ELAPOR1: variants seen among roughly 807,000 people sequenced by gnomAD.
ELAPOR1 encodes endosome/lysosome-associated apoptosis and autophagy regulator 1.
In ELAPOR1, 77 loss-of-function variants were observed where a neutral mutation model predicts 119.7. The observed-to-expected ratio is 0.64, with a 90% CI of 0.54 to 0.78. ELAPOR1 has a LOEUF of 0.78. Among genes scored for constraint, ELAPOR1 ranks in the 30% least tolerant of loss-of-function variants. The probability of loss-of-function intolerance (pLI) is 0.00; values close to 1 mark genes in which losing one functional copy is unlikely to be tolerated. For synonymous variants in ELAPOR1, 481 were observed against 487.2 expected (o/e 0.99, Z 0.17); for missense variants, 1,115 against 1,270.4 (o/e 0.88, Z 1.86).
intron 1 of ELAPOR1, among the ~76,000 whole-genome samples, chr1:109,158,132 C>T (rs773753685): frequency 6.7e-4 from 102 of 152,144 alleles, no homozygotes; most frequent in Non-Finnish European, 1.0e-4. Flanking sequence ...AAGTAATTCG[C>T]CCACCTTGAC....
At chr1:109,197,165 C>T (rs911925269) in intron 15 of ELAPOR1, among the ~76,000 whole-genome samples, 14 of 150,202 alleles carry the variant, frequency 9.3e-5, no homozygotes, top group Non-Finnish European at 1.5e-4. Flanking sequence ...AATTAACCTG[C>T]GGTTCCAGCT....
chr1:109,195,638 T>C (rs1240136728), intron 15 of ELAPOR1, among the ~76,000 whole-genome samples: 1 of 152,230 alleles, frequency 6.6e-6, no homozygotes, highest in Non-Finnish European at 1.5e-5. Context: ...AGAGGCTGGA[T>C]AAAATCAACT....
Position 109,203,016 on chromosome 1 carries a change from G to T in ELAPOR1, c.*4G>T, listed in dbSNP as rs1654276540. Reference sequence around the variant, plus strand: ...AGGCCTAGACATGGACCTGTGAGAGGCACTGCCTGCCTCACCTGCCTCCTC... The same window carrying T: ...AGGCCTAGACATGGACCTGTGAGAGTCACTGCCTGCCTCACCTGCCTCCTC... On this transcript the variant is annotated 3_prime_UTR_variant, in exon 22 of 22. Coordinates refer to ENST00000369939, the MANE Select transcript of ELAPOR1 (RefSeq NM_020775.5). The T allele has an allele frequency of 6.2e-7, 1 of 1,604,134 alleles. No homozygotes were observed. Among genetic ancestry groups the T allele is most frequent in the Non-Finnish European group, 8.5e-7 (1 of 1,171,990 alleles).
chr1:109,160,631 CT>C lies in ELAPOR1; in HGVS notation c.154-1261del, dbSNP rs564058634. On this transcript the variant is annotated intron_variant, in intron 1 of 21. Coordinates refer to ENST00000369939, the MANE Select transcript of ELAPOR1 (RefSeq NM_020775.5). The stretch of plus-strand genomic sequence containing the variant: ...AAACTTGTATTTTTTGTCTTAGCTC[CT>C]TGACGTTATACATGTTATGCAATCA... Among the ~76,000 whole-genome samples, 47 of 152,288 alleles carry C rather than the reference CT, an allele frequency of 3.1e-4. No individual in the cohort carries two copies. The South Asian group carries it at 3.9e-3, about 13-fold the overall frequency.
chr1:109,123,870 T>G (rs1185422773), intron 1 of ELAPOR1, among the ~76,000 whole-genome samples: 1 of 151,942 alleles, frequency 6.6e-6, no homozygotes, highest in African/African-American at 2.4e-5. Context: ...TGGCACGATC[T>G]TGGCCCACTG....
chr1:109,193,933 A>G lies in ELAPOR1; in HGVS notation c.1948-488A>G, dbSNP rs1570722850. On this transcript the variant is annotated intron_variant, in intron 14 of 21. Coordinates refer to ENST00000369939, the MANE Select transcript of ELAPOR1 (RefSeq NM_020775.5). ...GAGCAATGAATGGGTTTATGGGAAG[A>G]AAAGCCCCTTTCGGAGTTCAGTTTC... is the stretch of plus-strand genomic sequence containing the variant. 3.9e-5 allele frequency among the ~76,000 whole-genome samples: 6 copies of G among 152,344 alleles called. No homozygotes were observed. The East Asian group carries it at 1.2e-3, about 29-fold the overall frequency.
At chr1:109,183,919 T>G (rs929525963) in intron 7 of ELAPOR1, among the ~76,000 whole-genome samples, 1 of 151,892 alleles carries the variant, frequency 6.6e-6, no homozygotes, top group African/African-American at 2.4e-5. Flanking sequence ...TTTCATTAGG[T>G]ATAAATCAAG....
intron 1 of ELAPOR1, among the ~76,000 whole-genome samples, chr1:109,156,487 C>A (rs184900259): frequency 8.8e-4 from 132 of 150,788 alleles, no homozygotes; most frequent in African/African-American, 3.1e-3. Context: ...AACAGTAAGT[C>A]CCCATCCTGC....
At chr1:109,131,238 C>T (rs1249644184) in intron 1 of ELAPOR1, among the ~76,000 whole-genome samples, 1 of 152,206 alleles carries the variant, frequency 6.6e-6, no homozygotes, top group East Asian at 1.9e-4. Context: ...TAGCAGCCAG[C>T]TTCCTCCAGA....
At chr1:109,190,848 G>T (rs750052289) in intron 11 of ELAPOR1, among the ~76,000 whole-genome samples, 3 of 152,160 alleles carry the variant, frequency 2.0e-5, no homozygotes, top group Non-Finnish European at 4.4e-5. Context: ...CCCCGGCAAA[G>T]CTCCCCAGTG....
chr1:109,156,872 T>C (rs1205503875), intron 1 of ELAPOR1, among the ~76,000 whole-genome samples: 1 of 152,142 alleles, frequency 6.6e-6, no homozygotes, highest in Non-Finnish European at 1.5e-5. Context: ...CAGAGGAAGG[T>C]GGGCCACCTC....
Position 109,191,477 on chromosome 1 carries a change from T to G in ELAPOR1, c.1545+6T>G. 1 of 1,611,182 alleles carries G rather than the reference T, an allele frequency of 6.2e-7. No individual in the cohort carries two copies. The highest frequency in any genetic ancestry group is 8.5e-7 in the Non-Finnish European group (1 of 1,177,336). On this transcript the variant is annotated splice_donor_region_variant and intron_variant, in intron 12 of 21. Coordinates refer to ENST00000369939, the MANE Select transcript of ELAPOR1 (RefSeq NM_020775.5). ...GTGAGCTCTACTTCATGGTGGTACG[T>G]TTTCCTTTCTTTGCCCGCTAGAGGG...
chr1:109,127,138 T>C (rs1648828773), intron 1 of ELAPOR1, among the ~76,000 whole-genome samples: 1 of 151,964 alleles, frequency 6.6e-6, no homozygotes, highest in South Asian at 2.1e-4. Context: ...AGTTAGTGCT[T>C]GACAGCTGCT....
intron 1 of ELAPOR1, among the ~76,000 whole-genome samples, chr1:109,127,809 C>T (rs747156507): frequency 6.6e-6 from 1 of 151,892 alleles, no homozygotes; most frequent in Non-Finnish European, 1.5e-5. Context: ...GGTCATCCTC[C>T]CACCTTGGCC....
chr1:109,121,084 T>C (rs1259273402), intron 1 of ELAPOR1, among the ~76,000 whole-genome samples: 1 of 152,232 alleles, frequency 6.6e-6, no homozygotes, highest in Non-Finnish European at 1.5e-5. Context: ...TGGTACAGTT[T>C]ACAAAATTTT....
chr1:109,179,439 G>T (rs1057203810), intron 7 of ELAPOR1, among the ~76,000 whole-genome samples: 4 of 150,854 alleles, frequency 2.7e-5, no homozygotes, highest in African/African-American at 9.7e-5. Context: ...AGAAGTGTGA[G>T]CAAAGGCCAG....
chr1:109,172,343 C>T (rs1173439935), intron 4 of ELAPOR1, 145 bp from the exon 5 acceptor site: 3 of 648,272 alleles, frequency 4.6e-6, no homozygotes, highest in South Asian at 1.9e-5. Context: ...CTTTGAGGCT[C>T]ATGTGTTTTG....
intron 1 of ELAPOR1, among the ~76,000 whole-genome samples, chr1:109,138,570 C>CCAGCAGCAGCAGCAG (rs71069652): frequency 1.5e-4 from 23 of 151,186 alleles, no homozygotes; most frequent in African/African-American, 4.4e-4. Context: ...TCCCTCCCCA[C>CCAGCAGCAGCAGCAG]CAGCAGCAGC....
chr1:109,179,313 A>G (rs1286262541), intron 7 of ELAPOR1, among the ~76,000 whole-genome samples: 1 of 150,338 alleles, frequency 6.7e-6, no homozygotes, highest in Admixed American at 6.6e-5. Context: ...GAGGCAGGAG[A>G]ATTGCTTGAA....
Sources: allele counts gnomAD v4.1 joint callset (sites outside exome capture counted in the v4.1 genomes callset), GRCh38; gene constraint gnomAD v4.1.1; transcripts MANE v1.5; gene names NCBI Gene and HGNC (gene_info 2026-07-23, HGNC 2026-07-21).